Variants in CNTN5 observed in about 807,000 individuals in gnomAD.
CNTN5 encodes the protein contactin 5.
CNTN5 carries 77 observed loss-of-function variants against 129.1 expected under a neutral mutation model. The observed-to-expected ratio is 0.60, with a 90% CI of 0.50 to 0.72. CNTN5 has a LOEUF of 0.72. Among genes scored for constraint, CNTN5 ranks in the 30% least tolerant of loss-of-function variants. The pLI is 0.00. For synonymous variants in CNTN5, 509 were observed against 465.6 expected (o/e 1.09, Z -1.20); for missense variants, 1,478 against 1,328.8 (o/e 1.11, Z -1.75).
chr11:99,600,511 C>G (rs1421544644), intron 3 of CNTN5, among the ~76,000 whole-genome samples: 2 of 152,170 alleles, frequency 1.3e-5, no homozygotes, highest in Non-Finnish European at 2.9e-5. Context: ...CTGAGTACAT[C>G]TAGGCTAAGA....
intron 13 of CNTN5, among the ~76,000 whole-genome samples, chr11:100,108,339 T>A (rs1050188243): frequency 2.6e-5 from 4 of 152,032 alleles, no homozygotes; most frequent in African/African-American, 9.7e-5. Context: ...ATGGGCTACA[T>A]GGAAGTGGAA....
Position 99,473,390 on chromosome 11 carries a change from T to C in CNTN5, c.-70-82755T>C, listed in dbSNP as rs111856328. Reference sequence around the variant, plus strand: ...AGAATTAAAATATAGCTTAAAGCATTATATTCCTTTTGCAAATACTACAGA... The same window carrying C: ...AGAATTAAAATATAGCTTAAAGCATCATATTCCTTTTGCAAATACTACAGA... On this transcript the variant is annotated intron_variant, in intron 2 of 24. Transcript: ENST00000524871. Among the ~76,000 whole-genome samples the C allele has an allele frequency of 9.8e-3, 1,496 of 152,286 alleles. 24 individuals carry two copies. Among genetic ancestry groups the C allele is most frequent in the African/African-American group, 0.034 (1,397 of 41,576 alleles).
intron 8 of CNTN5, among the ~76,000 whole-genome samples, chr11:99,991,264 G>A (rs895191192): frequency 6.6e-6 from 1 of 152,030 alleles, no homozygotes; most frequent in African/African-American, 2.4e-5. Context: ...CCAGGAGATC[G>A]AGACCATCCT....
intron 2 of CNTN5, among the ~76,000 whole-genome samples, chr11:99,502,097 C>A (rs1283841705): frequency 6.6e-6 from 1 of 152,118 alleles, no homozygotes; most frequent in African/African-American, 2.4e-5. Context: ...CCCTCAACAC[C>A]TCCATTATTT....
intron 13 of CNTN5, among the ~76,000 whole-genome samples, chr11:100,101,500 A>G (rs1475570346): frequency 6.6e-6 from 1 of 152,028 alleles, no homozygotes; most frequent in Non-Finnish European, 1.5e-5. Flanking sequence ...ATCCCTTTAG[A>G]TTCCATCATC....
In CNTN5 at chr11:99,172,926, A is replaced by T. The variant is rs147840572; in HGVS notation, c.-210+151656A>T. ...CACTGCTTATAAAGATATACCCGAG[A>T]TTGGGAAATTTACAAAAGAAAGAGA... On this transcript the variant is annotated intron_variant, in intron 1 of 24. Coordinates refer to ENST00000524871, the MANE Select transcript of CNTN5 (RefSeq NM_014361.4). Among the ~76,000 whole-genome samples, 208 of 152,306 alleles carry T rather than the reference A, an allele frequency of 1.4e-3. 1 individual carries two copies. Among genetic ancestry groups the T allele is most frequent in the African/African-American group, 4.7e-3 (196 of 41,566 alleles).
chr11:99,032,849 A>G (rs1336722025), intron 1 of CNTN5, among the ~76,000 whole-genome samples: 7 of 144,828 alleles, frequency 4.8e-5, no homozygotes, highest in Non-Finnish European at 7.4e-5. Context: ...GTCCATGCCT[A>G]TGTCCTGAAT....
intron 13 of CNTN5, among the ~76,000 whole-genome samples, chr11:100,131,422 C>T (rs114716668): frequency 6.6e-6 from 1 of 151,902 alleles, no homozygotes; most frequent in Admixed American, 6.6e-5. Flanking sequence ...AAGAATGATT[C>T]CAGGATGGAA....
chr11:99,864,074 A>T (rs1433656262), intron 6 of CNTN5, among the ~76,000 whole-genome samples: 1 of 152,156 alleles, frequency 6.6e-6, no homozygotes, highest in Admixed American at 6.6e-5. Context: ...GATGTATCTC[A>T]AGTGCTTTAT....
chr11:99,433,728 T>C (rs1335857828), intron 2 of CNTN5, among the ~76,000 whole-genome samples: 7 of 152,040 alleles, frequency 4.6e-5, no homozygotes, highest in Middle Eastern at 3.2e-3. Context: ...GATCAGAAAA[T>C]AGTGTGAAGT....
chr11:99,204,068 A>G (rs1463420204), intron 1 of CNTN5, among the ~76,000 whole-genome samples: 1 of 152,214 alleles, frequency 6.6e-6, no homozygotes, highest in Non-Finnish European at 1.5e-5. Context: ...TTTAATTTTA[A>G]AAGTTTTATC....
chr11:99,830,791 C>T (rs1351499392), intron 4 of CNTN5, among the ~76,000 whole-genome samples: 1 of 151,830 alleles, frequency 6.6e-6, no homozygotes, highest in Non-Finnish European at 1.5e-5. Flanking sequence ...GCTTTTTTAC[C>T]AATTTAAGTA....
At chr11:99,444,695 T>C (rs940624862) in intron 2 of CNTN5, among the ~76,000 whole-genome samples, 1 of 152,146 alleles carries the variant, frequency 6.6e-6, no homozygotes, top group Non-Finnish European at 1.5e-5. Flanking sequence ...AGTATAGATA[T>C]ACTTACATAC....
intron 1 of CNTN5, among the ~76,000 whole-genome samples, chr11:99,300,326 T>A (rs1013176176): frequency 6.6e-6 from 1 of 152,166 alleles, no homozygotes; most frequent in Admixed American, 6.5e-5. Flanking sequence ...ATTTTTATCA[T>A]GAGAGATGCT....
At chr11:100,275,738 A>G (rs1339112212) in intron 18 of CNTN5, among the ~76,000 whole-genome samples, 1 of 152,218 alleles carries the variant, frequency 6.6e-6, no homozygotes, top group Non-Finnish European at 1.5e-5. Context: ...TTAAAATCTT[A>G]TGGAAGAGAA....
At chr11:100,231,446 T>G (rs192267340) in intron 16 of CNTN5, among the ~76,000 whole-genome samples, 1 of 152,144 alleles carries the variant, frequency 6.6e-6, no homozygotes, top group South Asian at 2.1e-4. Context: ...TTATGTAAAA[T>G]GAGAACGAGA....
chr11:99,818,530 A>T (rs1172308897), intron 3 of CNTN5, among the ~76,000 whole-genome samples: 5 of 152,146 alleles, frequency 3.3e-5, no homozygotes, highest in African/African-American at 1.2e-4. Flanking sequence ...TGCTGGGATT[A>T]AAGGCATGAG....
intron 20 of CNTN5, among the ~76,000 whole-genome samples, chr11:100,300,526 A>G (rs1951195542): frequency 6.6e-6 from 1 of 151,560 alleles, no homozygotes; most frequent in Non-Finnish European, 1.5e-5. Flanking sequence ...GAACAGCTCA[A>G]GAGTATTATT....
intron 1 of CNTN5, among the ~76,000 whole-genome samples, chr11:99,042,950 A>G (rs1452150547): frequency 6.7e-6 from 1 of 148,556 alleles, no homozygotes; most frequent in Non-Finnish European, 1.5e-5. Flanking sequence ...CTCAAGATCT[A>G]TAGCTCTCTT....
Sources: allele counts gnomAD v4.1 joint callset (sites outside exome capture counted in the v4.1 genomes callset), GRCh38; gene constraint gnomAD v4.1.1; transcripts MANE v1.5; gene names NCBI Gene and HGNC (gene_info 2026-07-23, HGNC 2026-07-21).